CEACAM3: variants seen among roughly 807,000 people sequenced by gnomAD.
CEACAM3 encodes the protein CEA cell adhesion molecule 3, also known as cell adhesion molecule CEACAM3.
CEACAM3 carries 32 observed loss-of-function variants against 30.1 expected under a neutral mutation model. The ratio of observed to expected loss-of-function variants is 1.06; its 90% CI spans 0.80 to 1.43. The LOEUF (loss-of-function observed/expected upper bound fraction) is 1.43. CEACAM3 is among the 40% of genes most tolerant of loss of function. The pLI is 0.00. For synonymous variants in CEACAM3, 134 were observed against 127.2 expected (o/e 1.05, Z -0.36); for missense variants, 290 against 316.3 (o/e 0.92, Z 0.63).
intron 6 of CEACAM3, 79 bp from the exon 7 acceptor site, chr19:41,811,093 A>G: frequency 6.7e-7 from 1 of 1,503,148 alleles, no homozygotes; most frequent in South Asian, 1.1e-5. Context: ...GCAGCCCTGG[A>G]TGGGCCCAGA....
intron 2 of CEACAM3, among the ~76,000 whole-genome samples, chr19:41,804,246 G>A (rs1555826417): frequency 6.7e-6 from 1 of 149,016 alleles, no homozygotes; most frequent in Admixed American, 6.8e-5. Context: ...CCAGCCCTGT[G>A]CTGTCTGATG....
At chr19:41,806,889 G>A (rs1055103809) in intron 2 of CEACAM3, among the ~76,000 whole-genome samples, 4 of 152,034 alleles carry the variant, frequency 2.6e-5, no homozygotes, top group Non-Finnish European at 4.4e-5. Flanking sequence ...GGGTTTCACC[G>A]TGTTAGCCAG....
chr19:41,802,670 A>G (rs2073161192), intron 2 of CEACAM3, among the ~76,000 whole-genome samples: 1 of 152,218 alleles, frequency 6.6e-6, no homozygotes, highest in African/African-American at 2.4e-5. Flanking sequence ...TGAATAGGCA[A>G]CAAAGATCCC....
At position 41,810,323 on chromosome 19, in the gene CEACAM3, G is replaced by A. The variant is rs782582099; in HGVS notation, c.596G>A (p.Gly199Asp). ...KEQQPQALAP[G>D]RGPSHSSAFS... ...TGCTCACTCCTGTCTCTGTTTCCAG[G>A]CCGTGGTCCCTCCCACAGCTCTGCC... Residue 199 changes from glycine to aspartate, a missense_variant and splice_region_variant, in exon 5 of 7, where the codon GGC (glycine) becomes GAC (aspartate). Gly to Asp is a moderately conservative substitution (Grantham distance 94, BLOSUM62 -1). Transcript: ENST00000357396. 1.9e-6 allele frequency: 3 copies of A among 1,604,596 alleles called. No homozygotes were observed. In the African/African-American group the frequency reaches 4.0e-5, roughly 21 times the overall value.
At chr19:41,803,476 T>TTG (rs1378474818) in intron 2 of CEACAM3, among the ~76,000 whole-genome samples, 24 of 140,334 alleles carry the variant, frequency 1.7e-4, no homozygotes, top group Admixed American at 3.6e-4. Flanking sequence ...GTTTGTTTTT[T>TTG]TTTTTTTTGA....
In CEACAM3 at chr19:41,811,211, G is replaced by GACCA. The variant is rs1555827610; in HGVS notation, c.734_737dup (p.His246GlnfsTer35). ...TGACACAAACATTTACTGCCGGATG[G>GACCA]ACCACAAAGCAGAAGTGGCTTCTTA... On this transcript the variant is annotated frameshift_variant, in exon 7 of 7. Transcript: ENST00000357396. LOFTEE classifies it high-confidence loss of function. 6.2e-7 allele frequency: 1 copy of GACCA among 1,613,898 alleles called. No homozygotes were observed. The highest frequency in any genetic ancestry group is 1.1e-5 in the South Asian group (1 of 91,078).
chr19:41,804,255 TG>T (rs1279706476), intron 2 of CEACAM3, among the ~76,000 whole-genome samples: 2 of 138,332 alleles, frequency 1.4e-5, no homozygotes, highest in Non-Finnish European at 3.3e-5. Context: ...TGCTGTCTGA[TG>T]GGCCCACTGC....
chr19:41,803,229 G>A (rs1379741479), intron 2 of CEACAM3, among the ~76,000 whole-genome samples: 1 of 152,178 alleles, frequency 6.6e-6, no homozygotes, highest in African/African-American at 2.4e-5. Flanking sequence ...GATGGGTGAT[G>A]TAAGCAGAGA....
chr19:41,811,055 C>T (rs2073246242), intron 6 of CEACAM3, 117 bp from the exon 7 acceptor site: 1 of 1,309,446 alleles, frequency 7.6e-7, no homozygotes, highest in Non-Finnish European at 1.1e-6. Flanking sequence ...GCAGGAACCC[C>T]CTGAGCACAG....
In CEACAM3 at chr19:41,796,810, G is replaced by A. The variant is rs189808463; in HGVS notation, c.64+69G>A. The stretch of plus-strand genomic sequence containing the variant: ...GAGAATGGCTGGGGTCTCCTGGGGA[G>A]GATGGGGCTCTGATAGGGGACAGAA... On this transcript the variant is annotated intron_variant, in intron 1 of 6. Transcript: ENST00000357396. The A allele has an allele frequency of 6.6e-6, 10 of 1,522,492 alleles. 1 individual carries two copies. The African/African-American group carries it at 8.3e-5, about 13-fold the overall frequency. The allele number at this position is 1,522,492 out of a possible 1,614,324, so 94.3% of individuals were successfully genotyped here. A position where few individuals can be genotyped will look rare whatever the true frequency, so the allele number is the denominator to read the frequency against.
chr19:41,808,937 C>T lies in CEACAM3; in HGVS notation c.542+7C>T, dbSNP rs566341442. The T allele has an allele frequency of 3.2e-6, 5 of 1,552,024 alleles. No individual in the cohort carries two copies. The highest frequency in any genetic ancestry group is 3.9e-5 in the Admixed American group (2 of 51,368). On this transcript the variant is annotated splice_region_variant and intron_variant, in intron 3 of 6. Transcript: ENST00000357396. ...TCCTTGCCAAAACTGGAAGGTACCACAGCTTTTTCCCATCCTTCTCCCACC... is the reference window on the plus strand; with the variant it reads ...TCCTTGCCAAAACTGGAAGGTACCATAGCTTTTTCCCATCCTTCTCCCACC...
Position 41,809,097 on chromosome 19 carries a change from G to A in CEACAM3, c.542+167G>A, listed in dbSNP as rs1600523197. Reference sequence around the variant, plus strand: ...CCTCCCTCGTCAGCTCCTGACCCTGGGTTGCTGCCTCAACAGCTTCCTCCT... The same window carrying A: ...CCTCCCTCGTCAGCTCCTGACCCTGAGTTGCTGCCTCAACAGCTTCCTCCT... On this transcript the variant is annotated intron_variant, in intron 3 of 6. Coordinates refer to ENST00000357396, the MANE Select transcript of CEACAM3 (RefSeq NM_001815.5). The A allele has an allele frequency of 5.4e-6, 3 of 550,948 alleles. No homozygotes were observed. The East Asian group carries it at 9.4e-5, about 17-fold the overall frequency. The allele number at this position is 550,948 out of a possible 1,614,324, so 34.1% of individuals were successfully genotyped here.
At chr19:41,797,562 T>C (rs1555825352) in intron 1 of CEACAM3, 27 bp from the exon 2 acceptor site, 2 of 1,599,406 alleles carry the variant, frequency 1.3e-6, no homozygotes, top group Admixed American at 1.7e-5. Context: ...TGGGTCCCAA[T>C]ATTGACTGAT....
In CEACAM3 at chr19:41,796,652, G is replaced by A; in HGVS notation, c.-26G>A. 1 of 1,613,604 alleles carries A rather than the reference G, an allele frequency of 6.2e-7. No individual in the cohort carries two copies. Among genetic ancestry groups the A allele is most frequent in the Non-Finnish European group, 8.5e-7 (1 of 1,179,484 alleles). On this transcript the variant is annotated 5_prime_UTR_variant, in exon 1 of 7. Transcript: ENST00000357396. ...TGGAGCCCAGGCTCTTTTCCACAGAGGAGGAAAGAGCAGGCAGCAGAGACC... is the reference window on the plus strand; with the variant it reads ...TGGAGCCCAGGCTCTTTTCCACAGAAGAGGAAAGAGCAGGCAGCAGAGACC...
In CEACAM3 at chr19:41,797,831, A is replaced by C. The variant is rs61737014; in HGVS notation, c.307A>C (p.Thr103Pro). 6.2e-3 allele frequency: 9,984 copies of C among 1,601,804 alleles called. 979 individuals are homozygous for C. In the African/African-American group the frequency reaches 0.12, roughly 20 times the overall value. ...ATACAGCGGTCGAGAGACAATATAC[A>C]CCAATGCATCCCTGCTGATCCAGAA... is the stretch of plus-strand genomic sequence containing the variant. ...AAYSGRETIY[T>P]NASLLIQNVT... Residue 103 changes from threonine (T) to proline (P), a missense_variant, in exon 2 of 7, where the codon ACC (threonine) becomes CCC (proline). Coordinates refer to ENST00000357396, the MANE Select transcript of CEACAM3 (RefSeq NM_001815.5).
At chr19:41,808,685 C>A in intron 2 of CEACAM3, 128 bp from the exon 3 acceptor site, 2 of 735,070 alleles carry the variant, frequency 2.7e-6, no homozygotes, top group Non-Finnish European at 4.6e-6. Context: ...GAGGACAACA[C>A]AAGAGACTAC....
intron 2 of CEACAM3, among the ~76,000 whole-genome samples, chr19:41,804,256 G>C (rs1202726459): frequency 7.3e-6 from 1 of 137,196 alleles, no homozygotes; most frequent in African/African-American, 2.5e-5. Flanking sequence ...GCTGTCTGAT[G>C]GGCCCACTGC....
intron 2 of CEACAM3, among the ~76,000 whole-genome samples, chr19:41,801,535 G>C (rs1343806244): frequency 1.3e-5 from 2 of 152,220 alleles, no homozygotes; most frequent in Non-Finnish European, 2.9e-5. Flanking sequence ...TTAATGCTAA[G>C]TAAGCCAAAC....
At chr19:41,796,819 T>A (rs1489246192) in intron 1 of CEACAM3, 78 bp downstream of exon 1, 1 of 1,472,722 alleles carries the variant, frequency 6.8e-7, no homozygotes, top group Non-Finnish European at 9.2e-7. Context: ...AGGATGGGGC[T>A]CTGATAGGGG....
Sources: allele counts gnomAD v4.1 joint callset (sites outside exome capture counted in the v4.1 genomes callset), GRCh38; gene constraint gnomAD v4.1.1; transcripts MANE v1.5; gene names NCBI Gene and HGNC (gene_info 2026-07-23, HGNC 2026-07-21).